Variants in ACYP2 observed in about 807,000 individuals in gnomAD.
ACYP2 encodes acylphosphatase 2.
A neutral mutation model predicts 11.2 loss-of-function variants in ACYP2; 12 were observed. The observed-to-expected ratio is 1.08, with a 90% CI of 0.69 to 1.74. The LOEUF is 1.74. Ranked by LOEUF, ACYP2 falls within the 40% of genes most tolerant of loss-of-function variation. The pLI is 0.00. For missense variants in ACYP2, 134 were observed against 101.9 expected (o/e 1.31, Z -1.35); for synonymous variants, 43 against 32.2 (o/e 1.33, Z -1.13).
chr2:53,999,442 CA>C (rs1558462292), intron 2 of ACYP2, among the ~76,000 whole-genome samples: 1 of 152,108 alleles, frequency 6.6e-6, no homozygotes, highest in African/African-American at 2.4e-5. Context: ...GGATAGCAGT[CA>C]AAATCAGAGA....
intron 6 of ACYP2, among the ~76,000 whole-genome samples, chr2:54,156,282 C>T (rs946895040): frequency 3.3e-5 from 5 of 152,058 alleles, no homozygotes; most frequent in African/African-American, 1.2e-4. Context: ...TATTTAAGTT[C>T]CAGGATACAT....
chr2:54,268,492 T>C (rs575761371), intron 6 of ACYP2, among the ~76,000 whole-genome samples: 1 of 152,234 alleles, frequency 6.6e-6, no homozygotes, highest in South Asian at 2.1e-4. Flanking sequence ...TATAGTGATC[T>C]ACCCAATGTA....
chr2:54,180,133 A>G (rs955162213), intron 6 of ACYP2, among the ~76,000 whole-genome samples: 3 of 152,224 alleles, frequency 2.0e-5, no homozygotes, highest in African/African-American at 7.2e-5. Flanking sequence ...ATGCAGATTT[A>G]GAGATGCATA....
intron 6 of ACYP2, among the ~76,000 whole-genome samples, chr2:54,218,295 C>G (rs1294258033): frequency 6.6e-6 from 1 of 152,176 alleles, no homozygotes; most frequent in Non-Finnish European, 1.5e-5. Context: ...GACTCCTTGA[C>G]TGATTGACCT....
chr2:54,062,644 A>G (rs1421622), intron 4 of ACYP2, among the ~76,000 whole-genome samples: 86,836 of 152,124 alleles, frequency 0.57, 25,083 homozygotes, highest in East Asian at 0.72. Context: ...TCTGCTGTGC[A>G]TTATGGTTTA....
At chr2:54,101,440 G>T (rs1163810323) in intron 4 of ACYP2, among the ~76,000 whole-genome samples, 2 of 152,110 alleles carry the variant, frequency 1.3e-5, no homozygotes, top group Non-Finnish European at 2.9e-5. Flanking sequence ...GGAGGCTGAG[G>T]TGAGCAGATC....
intron 6 of ACYP2, chr2:54,142,919 T>A (rs1429058306): frequency 1.3e-5 from 2 of 152,216 alleles, no homozygotes; most frequent in African/African-American, 4.8e-5. Flanking sequence ...AATGACTTTT[T>A]CACTATTGCA....
chr2:54,251,006 G>T (rs1355911520), intron 6 of ACYP2, among the ~76,000 whole-genome samples: 1 of 152,176 alleles, frequency 6.6e-6, no homozygotes, highest in Non-Finnish European at 1.5e-5. Flanking sequence ...CTTCAGAATA[G>T]CATCATCCCT....
At chr2:54,130,239 TG>T (rs1680821031) in intron 4 of ACYP2, among the ~76,000 whole-genome samples, 1 of 152,012 alleles carries the variant, frequency 6.6e-6, no homozygotes, top group Non-Finnish European at 1.5e-5. Context: ...GGATAAATAA[TG>T]GGAAGGAGCC....
intron 6 of ACYP2, among the ~76,000 whole-genome samples, chr2:54,244,167 G>A (rs778361770): frequency 4.0e-5 from 6 of 151,880 alleles, no homozygotes; most frequent in African/African-American, 9.7e-5. Context: ...GGAGTTGTTC[G>A]TCTTTTCCTC....
intron 6 of ACYP2, among the ~76,000 whole-genome samples, chr2:54,280,750 C>G (rs1010674827): frequency 6.6e-6 from 1 of 152,138 alleles, no homozygotes; most frequent in Admixed American, 6.5e-5. Flanking sequence ...TCTTGGAAGC[C>G]TGATTCAATG....
chr2:53,972,369 G>C (rs2104501919), intron 1 of ACYP2, among the ~76,000 whole-genome samples: 1 of 151,710 alleles, frequency 6.6e-6, no homozygotes, highest in Admixed American at 6.6e-5. Flanking sequence ...CACTTTGGGA[G>C]GCCGAGGCGG....
intron 6 of ACYP2, among the ~76,000 whole-genome samples, chr2:54,236,920 C>G (rs2103976445): frequency 6.6e-6 from 1 of 152,142 alleles, no homozygotes; most frequent in South Asian, 2.1e-4. Context: ...TGCAGTTGTC[C>G]CTCCATATCC....
intron 4 of ACYP2, among the ~76,000 whole-genome samples, chr2:54,062,999 C>G (rs1230499504): frequency 1.3e-5 from 2 of 152,182 alleles, no homozygotes; most frequent in African/African-American, 4.8e-5. Flanking sequence ...CGACTATTGA[C>G]TGAAGCCCAT....
chr2:54,046,411 G>T (rs949512150), intron 2 of ACYP2, among the ~76,000 whole-genome samples: 1 of 151,424 alleles, frequency 6.6e-6, no homozygotes, highest in African/African-American at 2.4e-5. Flanking sequence ...CCTGGGAAGC[G>T]GAGGTTGCAG....
intron 2 of ACYP2, among the ~76,000 whole-genome samples, chr2:54,029,341 G>C (rs186826207): frequency 6.6e-6 from 1 of 151,940 alleles, no homozygotes; most frequent in Admixed American, 6.6e-5. Flanking sequence ...TGTTTACCTT[G>C]ATGACCTACC....
chr2:54,181,527 G>A (rs1683725420), intron 6 of ACYP2, among the ~76,000 whole-genome samples: 1 of 152,116 alleles, frequency 6.6e-6, no homozygotes, highest in African/African-American at 2.4e-5. Flanking sequence ...GGCATTGTAA[G>A]CATGACTTTC....
chr2:54,053,551 T>C (rs532912562), intron 3 of ACYP2, among the ~76,000 whole-genome samples: 10 of 152,318 alleles, frequency 6.6e-5, no homozygotes, highest in African/African-American at 2.2e-4. Flanking sequence ...CCAGTCCCCC[T>C]GTGTACACCC....
intron 4 of ACYP2, among the ~76,000 whole-genome samples, chr2:54,103,718 A>G (rs930020266): frequency 6.6e-6 from 1 of 152,210 alleles, no homozygotes; most frequent in African/African-American, 2.4e-5. Context: ...TTTATTTGAA[A>G]ATATAGAGCT....
Sources: allele counts gnomAD v4.1 joint callset (sites outside exome capture counted in the v4.1 genomes callset), GRCh38; gene constraint gnomAD v4.1.1; transcripts MANE v1.5; gene names NCBI Gene and HGNC (gene_info 2026-07-23, HGNC 2026-07-21).